RNF38: variants seen among roughly 807,000 people sequenced by gnomAD.
The protein encoded by RNF38 is ring finger protein 38.
Under a neutral mutation model 67.2 loss-of-function variants are expected in RNF38, and 15 were observed. The observed-to-expected ratio is 0.22, with a 90% confidence interval of 0.15 to 0.34. The LOEUF is 0.34. RNF38 is among the 10% of genes least tolerant of loss of function. The pLI is 1.00. For synonymous variants in RNF38, 220 were observed against 218.8 expected, an observed-to-expected ratio of 1.01 and a Z score of -0.05; for missense variants, 524 against 639.9, an observed-to-expected ratio of 0.82 and a Z score of 1.95.
At chr9:36,471,571 G>A (rs1839998937) in intron 1 of RNF38, among the ~76,000 whole-genome samples, 1 of 152,186 alleles carries the variant, frequency 6.6e-6, no homozygotes, top group East Asian at 1.9e-4. Context: ...TCCAGAGACT[G>A]AAGTGATCGC....
intron 1 of RNF38, among the ~76,000 whole-genome samples, chr9:36,455,617 C>T (rs1303076788): frequency 6.6e-6 from 1 of 151,874 alleles, no homozygotes; most frequent in East Asian, 2.0e-4. Context: ...CCCGTCTCTA[C>T]TAAAAGTACA....
chr9:36,462,248 A>C (rs1173350087), intron 1 of RNF38, among the ~76,000 whole-genome samples: 1 of 152,168 alleles, frequency 6.6e-6, no homozygotes, highest in African/African-American at 2.4e-5. Flanking sequence ...AGGGTGACTG[A>C]CTATACACCA....
intron 3 of RNF38, 92 bp from the exon 4 acceptor site, chr9:36,370,024 G>T: frequency 2.0e-6 from 2 of 982,806 alleles, no homozygotes; most frequent in Non-Finnish European, 2.9e-6. Context: ...AATAGTATAT[G>T]CTAAGGTAAG....
upstream of RNF38, among the ~76,000 whole-genome samples, chr9:36,402,494 T>TAA (rs10560364): frequency 1.4e-5 from 2 of 143,004 alleles, no homozygotes; most frequent in African/African-American, 2.6e-5. Flanking sequence ...AATCTAAGCT[T>TAA]AAAAAAAAAA....
At chr9:36,437,150 G>A (rs1209987264) in intron 1 of RNF38, among the ~76,000 whole-genome samples, 2 of 152,200 alleles carry the variant, frequency 1.3e-5, no homozygotes, top group Non-Finnish European at 2.9e-5. Context: ...TCCTGGCACT[G>A]CAGCTGAGCA....
chr9:36,476,491 A>G (rs932750663), intron 1 of RNF38, among the ~76,000 whole-genome samples: 15 of 150,778 alleles, frequency 9.9e-5, no homozygotes, highest in African/African-American at 2.9e-4. Context: ...TATTTGGGCA[A>G]TATCTTTTTA....
chr9:36,385,170 A>T (rs1360276312), intron 2 of RNF38, among the ~76,000 whole-genome samples: 1 of 152,154 alleles, frequency 6.6e-6, no homozygotes, highest in Non-Finnish European at 1.5e-5. Flanking sequence ...GTTTTGAAGT[A>T]TCATCTTCTC....
intron 1 of RNF38, among the ~76,000 whole-genome samples, chr9:36,480,548 C>CTTTTTTTTT (rs3072687): frequency 2.9e-4 from 29 of 100,816 alleles, no homozygotes; most frequent in South Asian, 7.0e-4. Context: ...TTTTCTTTTT[C>CTTTTTTTTT]TTTTTTTTTT....
intron 1 of RNF38, among the ~76,000 whole-genome samples, chr9:36,443,688 A>G (rs1215375584): frequency 6.6e-6 from 1 of 152,178 alleles, no homozygotes; most frequent in African/African-American, 2.4e-5. Flanking sequence ...AAAGAAATGA[A>G]CTTAAACGCT....
chr9:36,428,343 G>A (rs904680105), intron 1 of RNF38, among the ~76,000 whole-genome samples: 5 of 151,602 alleles, frequency 3.3e-5, no homozygotes, highest in Non-Finnish European at 7.4e-5. Context: ...AACCCGGGAG[G>A]TGGAGGTTGC....
chr9:36,400,914 GCCCCGCCGCACCCCGCCTCA>G, upstream of RNF38: 1 of 940,230 alleles, frequency 1.1e-6, no homozygotes, highest in Non-Finnish European at 1.2e-6. Context: ...GCCCCGCCGC[GCCCCGCCGCACCCCGCCTCA>G]CCCCGCCTCG....
chr9:36,452,625 C>T (rs1459058797), intron 1 of RNF38, among the ~76,000 whole-genome samples: 3 of 151,980 alleles, frequency 2.0e-5, no homozygotes, highest in African/African-American at 7.3e-5. Context: ...CCTCCACCTC[C>T]TGGTTCAAGC....
intron 1 of RNF38, among the ~76,000 whole-genome samples, chr9:36,443,527 T>C (rs1199411000): frequency 6.6e-6 from 1 of 152,164 alleles, no homozygotes; most frequent in Non-Finnish European, 1.5e-5. Flanking sequence ...ACTCAGTTGT[T>C]GGGACACAGA....
rs553167537 is a variant in RNF38, at chr9:36,411,083, T to G, written n.312+13530A>C. ...ACAGTAAAAAATGTAACTTATGTAA[T>G]AAGTGAAAATACATGTAAATCATGT... is the stretch of plus-strand genomic sequence containing the variant. On this transcript the variant is annotated intron_variant and non_coding_transcript_variant, in intron 2 of 3. Transcript: ENST00000488058. Among the ~76,000 whole-genome samples the G allele has an allele frequency of 2.0e-5, 3 of 147,270 alleles. No homozygotes were observed. The East Asian group carries it at 6.0e-4, about 29-fold the overall frequency.
At chr9:36,487,425 G>C (rs1840444839) in exon 1 of RNF38, 1 of 981,056 alleles carries the variant, frequency 1.0e-6, no homozygotes, top group Admixed American at 6.3e-5. Flanking sequence ...GGCGGCGGTG[G>C]GGGGCGCGGG....
At chr9:36,435,187 G>C (rs932214969) in intron 1 of RNF38, among the ~76,000 whole-genome samples, 3 of 152,142 alleles carry the variant, frequency 2.0e-5, no homozygotes, top group Non-Finnish European at 4.4e-5. Context: ...AGCAGGACAG[G>C]CATCAAAGAA....
chr9:36,348,972 G>T (rs995896869), intron 9 of RNF38, among the ~76,000 whole-genome samples: 2 of 152,172 alleles, frequency 1.3e-5, no homozygotes, highest in East Asian at 1.9e-4. Flanking sequence ...ACTCTTTTTG[G>T]GGGGATAACA....
At chr9:36,388,328 A>G (rs954846877) in intron 2 of RNF38, among the ~76,000 whole-genome samples, 1 of 152,212 alleles carries the variant, frequency 6.6e-6, no homozygotes, top group African/African-American at 2.4e-5. Flanking sequence ...TTCACAAAGC[A>G]TGTAAAATTT....
chr9:36,343,611 G>T (rs1398339159), intron 10 of RNF38, among the ~76,000 whole-genome samples: 1 of 151,924 alleles, frequency 6.6e-6, no homozygotes, highest in South Asian at 2.1e-4. Flanking sequence ...AATATAGAGT[G>T]ATTCAAAGCC....
Sources: gnomAD v4.1 joint callset for allele counts (sites outside exome capture counted in the v4.1 genomes callset) on GRCh38, gnomAD v4.1.1 for gene constraint, MANE v1.5 for transcripts, NCBI Gene and HGNC (gene_info 2026-07-23, HGNC 2026-07-21) for gene names.